Variants in MARCHF6 observed in about 807,000 individuals in gnomAD.
MARCHF6 encodes the protein E3 ubiquitin-protein ligase MARCHF6.
A neutral mutation model predicts 133.7 loss-of-function variants in MARCHF6; 31 were observed. The ratio of observed to expected loss-of-function variants is 0.23; its 90% confidence interval spans 0.17 to 0.31. MARCHF6 has a LOEUF of 0.31. Ranked by LOEUF, MARCHF6 falls within the 10% of genes least tolerant of loss-of-function variation. MARCHF6 has a pLI of 1.00. For synonymous variants in MARCHF6, 395 were observed against 402.5 expected (o/e 0.98, Z 0.22); for missense variants, 723 against 1,121.6 (o/e 0.64, Z 5.08).
Position 10,433,894 on chromosome 5 carries a change from G to T in MARCHF6, c.*210G>T. ...ACTGCTGTCTGAGATTTGTATATGT[G>T]TAAATACAAGTTCCTTGATACCCTA... On this transcript the variant is annotated 3_prime_UTR_variant, in exon 26 of 26. Transcript: ENST00000274140. 1.8e-6 allele frequency: 1 copy of T among 547,950 alleles called. No individual in the cohort carries two copies. Among genetic ancestry groups the T allele is most frequent in the Non-Finnish European group, 3.3e-6 (1 of 303,896 alleles). The allele number at this position is 547,950 out of a possible 1,614,324, so 33.9% of individuals were successfully genotyped here.
chr5:10,390,246 A>C, intron 5 of MARCHF6, 86 bp from the exon 6 acceptor site: 1 of 995,448 alleles, frequency 1.0e-6, no homozygotes, highest in Non-Finnish European at 1.5e-6. Flanking sequence ...TTTTTCTGAG[A>C]CTTTAGTATA....
intron 7 of MARCHF6, 62 bp from the exon 8 acceptor site, chr5:10,394,020 A>AT (rs969522663): frequency 7.0e-5 from 73 of 1,038,500 alleles, no homozygotes; most frequent in South Asian, 2.0e-4. Flanking sequence ...AGTGCATTCT[A>AT]TTTTTTTTAT....
At chr5:10,425,723 C>T (rs1740048084) in intron 23 of MARCHF6, among the ~76,000 whole-genome samples, 2 of 152,314 alleles carry the variant, frequency 1.3e-5, no homozygotes, top group Admixed American at 6.5e-5. Context: ...TAACAGCCTT[C>T]TAAGCCTTGT....
At chr5:10,365,331 G>C (rs376316241) in intron 1 of MARCHF6, among the ~76,000 whole-genome samples, 4 of 151,874 alleles carry the variant, frequency 2.6e-5, no homozygotes, top group Non-Finnish European at 4.4e-5. Flanking sequence ...ACAGAGTTTC[G>C]CTCTTGTTGC....
rs1736931575 is a variant in MARCHF6 at position 10,378,629 on chromosome 5, T to C, written c.117-130T>C. 3.3e-5 allele frequency: 20 copies of C among 606,728 alleles called. No homozygotes were observed. The South Asian group carries it at 4.0e-4, about 12-fold the overall frequency. 37.6% of individuals were successfully genotyped at this position (606,728 alleles called of 1,614,324 possible). A position where few individuals can be genotyped will look rare whatever the true frequency, so the allele number is the denominator to read the frequency against. On this transcript the variant is annotated intron_variant, in intron 2 of 25. Coordinates refer to ENST00000274140, the MANE Select transcript of MARCHF6 (RefSeq NM_005885.4). ...GGCAGTTACAAAAAGTTAAGAATAT[T>C]CTAAATTTGAAAATTTTGAAACTAA...
Position 10,429,471 on chromosome 5 carries a change from T to C in MARCHF6, c.2507-422T>C, listed in dbSNP as rs1276325768. On this transcript the variant is annotated intron_variant, in intron 24 of 25. Transcript: ENST00000274140. ...GTGCAGTGGCTTGATTGATCTCGGC[T>C]CCCTGCAACCTCCACCTCTCAGGTT... 2.0e-5 allele frequency among the ~76,000 whole-genome samples: 3 copies of C among 151,384 alleles called. No individual in the cohort carries two copies. In the East Asian group the frequency reaches 5.9e-4, roughly 30 times the overall value.
chr5:10,382,086 A>G, intron 4 of MARCHF6, 143 bp downstream of exon 4: 2 of 913,384 alleles, frequency 2.2e-6, no homozygotes, highest in Non-Finnish European at 3.3e-6. Flanking sequence ...AGCCTTACTT[A>G]GAAGATGTTC....
At chr5:10,385,985 A>G (rs1372079969) in intron 4 of MARCHF6, among the ~76,000 whole-genome samples, 1 of 151,514 alleles carries the variant, frequency 6.6e-6, no homozygotes, top group African/African-American at 2.4e-5. Flanking sequence ...TTAGCATCGT[A>G]TCCTGGTGGT....
At chr5:10,416,676 T>C (rs114692585) in intron 21 of MARCHF6, among the ~76,000 whole-genome samples, 1 of 152,214 alleles carries the variant, frequency 6.6e-6, no homozygotes, top group Non-Finnish European at 1.5e-5. Flanking sequence ...TTAAATCATT[T>C]TTTTTTTGGT....
At chr5:10,386,969 G>C in intron 4 of MARCHF6, 25 bp from the exon 5 acceptor site, 1 of 1,595,422 alleles carries the variant, frequency 6.3e-7, no homozygotes, top group Non-Finnish European at 8.6e-7. Context: ...TTGTGACTGT[G>C]TGCCATCATG....
rs564327634 is a variant in MARCHF6 at position 10,375,201 on chromosome 5, G to A, written c.20-2597G>A. ...AACTGGGGCTGCGTGCAGCGCTTGC[G>A]GGCCAGCTGGAGTTCCGGGTGGGCA... On this transcript the variant is annotated intron_variant, in intron 1 of 25. Coordinates refer to ENST00000274140, the MANE Select transcript of MARCHF6 (RefSeq NM_005885.4). 2.3e-3 allele frequency among the ~76,000 whole-genome samples: 347 copies of A among 152,350 alleles called. 2 individuals are homozygous for A. The highest frequency in any genetic ancestry group is 7.7e-3 in the African/African-American group (320 of 41,590).
At chr5:10,408,996 T>C (rs1057113648) in intron 17 of MARCHF6, among the ~76,000 whole-genome samples, 1 of 152,138 alleles carries the variant, frequency 6.6e-6, no homozygotes, top group Non-Finnish European at 1.5e-5. Flanking sequence ...TTTAAAAAAA[T>C]ATTTTGTGGA....
intron 1 of MARCHF6, among the ~76,000 whole-genome samples, chr5:10,377,419 A>G (rs538403663): frequency 1.3e-5 from 2 of 152,306 alleles, no homozygotes; most frequent in Non-Finnish European, 2.9e-5. Context: ...TAGGACTTTA[A>G]ACCGTTAAAT....
intron 1 of MARCHF6, among the ~76,000 whole-genome samples, chr5:10,367,774 T>TA (rs1038631578): frequency 2.6e-5 from 4 of 152,134 alleles, no homozygotes; most frequent in Non-Finnish European, 5.9e-5. Flanking sequence ...TTTTTTTAAT[T>TA]AAAAAAACCA....
intron 22 of MARCHF6, 130 bp downstream of exon 22, chr5:10,417,534 C>CT: frequency 4.9e-6 from 6 of 1,221,412 alleles, no homozygotes; most frequent in South Asian, 1.3e-5. Flanking sequence ...CTGCTTGCAC[C>CT]CAGGAGTTCG....
chr5:10,374,249 A>G (rs1042907243), intron 1 of MARCHF6, among the ~76,000 whole-genome samples: 2 of 152,204 alleles, frequency 1.3e-5, no homozygotes, highest in African/African-American at 4.8e-5. Flanking sequence ...AAGAGGATCT[A>G]TTGCAGGGCA....
At chr5:10,355,256 G>C (rs1385995106) in intron 1 of MARCHF6, among the ~76,000 whole-genome samples, 1 of 152,244 alleles carries the variant, frequency 6.6e-6, no homozygotes, top group Non-Finnish European at 1.5e-5. Context: ...AAGCGAAACT[G>C]CTGAAGGTTG....
chr5:10,410,770 A>T (rs1739183596), intron 18 of MARCHF6, among the ~76,000 whole-genome samples: 1 of 152,178 alleles, frequency 6.6e-6, no homozygotes, highest in East Asian at 1.9e-4. Context: ...CTTAAAGGTG[A>T]AGTACAGATT....
chr5:10,426,550 A>G, intron 24 of MARCHF6, 28 bp downstream of exon 24: 1 of 1,611,246 alleles, frequency 6.2e-7, no homozygotes, highest in Admixed American at 1.7e-5. Flanking sequence ...TGGAGCCTTG[A>G]AGGAGCACTT....
Sources: allele counts gnomAD v4.1 joint callset (sites outside exome capture counted in the v4.1 genomes callset), GRCh38; gene constraint gnomAD v4.1.1; transcripts MANE v1.5; gene names NCBI Gene and HGNC (gene_info 2026-07-23, HGNC 2026-07-21).